Variants in NUAK2 observed in about 807,000 individuals in gnomAD.
The protein encoded by NUAK2 is NUAK family kinase 2, also known as NUAK family SNF1-like kinase 2.
A neutral mutation model predicts 29.8 loss-of-function variants in NUAK2; 20 were observed. The ratio of observed to expected loss-of-function variants is 0.67; its 90% CI spans 0.47 to 0.98. NUAK2 has a LOEUF of 0.98. Ranked by LOEUF, NUAK2 falls within the 50% of genes least tolerant of loss-of-function variation. The pLI, the probability that NUAK2 is intolerant of heterozygous loss-of-function variation, is 0.00. For missense variants in NUAK2, 719 were observed against 834.5 expected, an observed-to-expected ratio of 0.86 and a Z score of 1.71; for synonymous variants, 331 against 342.6, an observed-to-expected ratio of 0.97 and a Z score of 0.37.
chr1:205,321,644 A>G lies in NUAK2; in HGVS notation c.-16T>C. Reference sequence around the variant, plus strand: ...GCGACTCCATGGCGAGCAGGAGGTGAGCAAGGGCGGCAGGGGAATCAGTAG... The same window carrying G: ...GCGACTCCATGGCGAGCAGGAGGTGGGCAAGGGCGGCAGGGGAATCAGTAG... On this transcript the variant is annotated 5_prime_UTR_variant, in exon 1 of 7. Transcript: ENST00000367157. 6.2e-7 allele frequency: 1 copy of G among 1,601,318 alleles called. No individual in the cohort carries two copies. Among genetic ancestry groups the G allele is most frequent in the Non-Finnish European group, 8.5e-7 (1 of 1,176,700 alleles).
chr1:205,306,194 G>C lies in NUAK2; in HGVS notation c.684C>G (p.Gly228=). Residue 228 remains glycine, a synonymous_variant, in exon 5 of 7, where the codon GGC becomes GGG. Coordinates refer to ENST00000367157, the MANE Select transcript of NUAK2 (RefSeq NM_030952.3). ...PEIVNGKPYT[G]PEVDSWSLGV... is the part of the protein sequence containing the mutation. ...GGGGAGGGTGGCCACTTACCTCTGG[G>C]CCTGTGTAGGGCTTCCCATTGACAA... 6.2e-7 allele frequency: 1 copy of C among 1,610,292 alleles called. No individual in the cohort carries two copies. The highest frequency in any genetic ancestry group is 1.1e-5 in the South Asian group (1 of 90,608).
intron 1 of NUAK2, among the ~76,000 whole-genome samples, chr1:205,317,790 A>G (rs892328815): frequency 6.6e-6 from 1 of 152,194 alleles, no homozygotes; most frequent in Non-Finnish European, 1.5e-5. Context: ...CCTTCTCTGG[A>G]GCTGGGGCCG....
intron 6 of NUAK2, 96 bp downstream of exon 6, chr1:205,305,103 G>T: frequency 6.7e-7 from 1 of 1,485,812 alleles, no homozygotes; most frequent in Non-Finnish European, 9.1e-7. Flanking sequence ...ATGGACTGTT[G>T]CCCGTTTGAC....
chr1:205,307,598 C>G (rs1662200081), intron 4 of NUAK2, among the ~76,000 whole-genome samples: 1 of 152,150 alleles, frequency 6.6e-6, no homozygotes, highest in Non-Finnish European at 1.5e-5. Flanking sequence ...TTCCTCCAGC[C>G]CTGAGATCTC....
At chr1:205,311,878 G>T in intron 1 of NUAK2, 53 bp from the exon 2 acceptor site, 1 of 1,607,734 alleles carries the variant, frequency 6.2e-7, no homozygotes, top group Non-Finnish European at 8.5e-7. Flanking sequence ...AGGACACTCT[G>T]GGGGCCCTGG....
In NUAK2 at chr1:205,304,184, G is replaced by A. The variant is rs1306764369; in HGVS notation, c.1153C>T (p.Gln385Ter). ...TCAGCCGTGTCACTGTGGAGAGACT[G>A]GGCCATGTCATTCTCCTTGCGGGAC... ...KKSRKENDMAQSLHSDTADDT... is the reference protein window; with the variant it reads ...KKSRKENDMA Residue 385 changes from glutamine to a stop codon, truncating the protein, a stop_gained, in exon 7 of 7, where the codon CAG becomes TAG. Coordinates refer to ENST00000367157, the MANE Select transcript of NUAK2 (RefSeq NM_030952.3). LOFTEE classifies it low-confidence loss of function (END_TRUNC). This position sits in a 1 kb window ranked among gnomAD's most constrained non-coding sequence, Gnocchi z 6.5. The A allele has an allele frequency of 3.7e-6, 6 of 1,614,202 alleles. No individual in the cohort carries two copies. The East Asian group carries it at 1.1e-4, about 30-fold the overall frequency.
Position 205,308,272 on chromosome 1 carries a change from A to C in NUAK2, c.505-42T>G, listed in dbSNP as rs373812786. 234 of 1,465,328 alleles carry C rather than the reference A, an allele frequency of 1.6e-4. No homozygotes were observed. Among genetic ancestry groups the C allele is most frequent in the Non-Finnish European group, 2.1e-4 (224 of 1,070,230 alleles). 90.8% of individuals were successfully genotyped at this position (1,465,328 alleles called of 1,614,324 possible). A position where few individuals can be genotyped will look rare whatever the true frequency, so the allele number is the denominator to read the frequency against. The stretch of plus-strand genomic sequence containing the variant: ...GCAGTCACGGGAAGGTCACCAGGGA[A>C]GGGAAGATGATGAGGGGCCCAGTCT... On this transcript the variant is annotated intron_variant, in intron 3 of 6. Coordinates refer to ENST00000367157, the MANE Select transcript of NUAK2 (RefSeq NM_030952.3). This position sits in a 1 kb window ranked among gnomAD's most constrained non-coding sequence, Gnocchi z 4.1.
At chr1:205,307,207 G>A (rs1662194325) in intron 4 of NUAK2, among the ~76,000 whole-genome samples, 1 of 152,182 alleles carries the variant, frequency 6.6e-6, no homozygotes, top group Non-Finnish European at 1.5e-5. Flanking sequence ...TATTCAGGGT[G>A]GGGAGGGGCT....
At chr1:205,311,684 A>G in intron 2 of NUAK2, 21 bp downstream of exon 2, 1 of 1,613,756 alleles carries the variant, frequency 6.2e-7, no homozygotes. Context: ...CCCAAGTTCC[A>G]GCTTTAAGTG....
intron 1 of NUAK2, among the ~76,000 whole-genome samples, chr1:205,320,902 C>CCT (rs35541626): frequency 0.3 from 46,171 of 151,930 alleles, 7,529 homozygotes; most frequent in African/African-American, 0.4. Flanking sequence ...AAACCCACCC[C>CCT]GTGCCAGAGC....
At position 205,304,035 on chromosome 1, in the gene NUAK2, C is replaced by T. The variant is rs1484057610; in HGVS notation, c.1302G>A (p.Ala434=). The part of the protein sequence containing the change: ...EDPPELSPIP[A]SPGQAAPLLP... Reference sequence around the variant, plus strand: ...GCAGGGGGGCAGCCTGCCCTGGGCTCGCAGGGATTGGGCTGAGCTCCGGAG... The same window carrying T: ...GCAGGGGGGCAGCCTGCCCTGGGCTTGCAGGGATTGGGCTGAGCTCCGGAG... The change falls in exon 7 of 7, where the codon GCG becomes GCA. Residue 434 remains alanine, a synonymous_variant. Transcript: ENST00000367157. The surrounding 1 kb of genome is among the most constrained non-coding windows in gnomAD (Gnocchi z 6.5). 5.6e-6 allele frequency: 9 copies of T among 1,613,866 alleles called. No homozygotes were observed. Among genetic ancestry groups the T allele is most frequent in the East Asian group, 2.2e-5 (1 of 44,868 alleles).
chr1:205,319,463 G>C (rs991624686), intron 1 of NUAK2, among the ~76,000 whole-genome samples: 2 of 151,476 alleles, frequency 1.3e-5, no homozygotes, highest in Admixed American at 1.3e-4. Flanking sequence ...CAGTGACCTG[G>C]GTCAAGAGCC....
chr1:205,306,169 G>A lies in NUAK2; in HGVS notation c.690+19C>T. 1 of 1,589,060 alleles carries A rather than the reference G, an allele frequency of 6.3e-7. No homozygotes were observed. The highest frequency in any genetic ancestry group is 8.5e-7 in the Non-Finnish European group (1 of 1,170,244). On this transcript the variant is annotated intron_variant, in intron 5 of 6. Coordinates refer to ENST00000367157, the MANE Select transcript of NUAK2 (RefSeq NM_030952.3). ...AGTAAACATCTGAGGCAGGCTGGCA[G>A]GGGAGGGTGGCCACTTACCTCTGGG... is the stretch of plus-strand genomic sequence containing the variant.
At chr1:205,305,634 T>G (rs1662169906) in intron 5 of NUAK2, 5 of 402,628 alleles carry the variant, frequency 1.2e-5, no homozygotes, top group African/African-American at 2.2e-5. Context: ...GTAACAGGAA[T>G]GAGGAATGTG....
At chr1:205,318,471 T>G (rs1305917507) in intron 1 of NUAK2, among the ~76,000 whole-genome samples, 1 of 152,252 alleles carries the variant, frequency 6.6e-6, no homozygotes, top group Non-Finnish European at 1.5e-5. Flanking sequence ...TCTTCGGGCC[T>G]CAGCTACTCT....
intron 1 of NUAK2, among the ~76,000 whole-genome samples, chr1:205,317,177 C>G (rs552480184): frequency 1.3e-5 from 2 of 152,322 alleles, no homozygotes; most frequent in East Asian, 3.9e-4. Flanking sequence ...TAAACACTGC[C>G]TCCCTCCCAG....
In NUAK2 at chr1:205,321,744, G is replaced by C. The variant is rs1018223019; in HGVS notation, c.-116C>G. ...GGGAGCCACAGCAGTACCAGAGCGC[G>C]CAGTAAAGCACAGCATTCCAAGTTG... On this transcript the variant is annotated 5_prime_UTR_variant, in exon 1 of 7. Transcript: ENST00000367157. The C allele has an allele frequency of 1.2e-6, 1 of 805,406 alleles. No homozygotes were observed. Among genetic ancestry groups the C allele is most frequent in the African/African-American group, 1.7e-5 (1 of 58,264 alleles). The allele number at this position is 805,406 out of a possible 1,614,324, so 49.9% of individuals were successfully genotyped here.
intron 1 of NUAK2, among the ~76,000 whole-genome samples, chr1:205,315,703 T>C (rs1662317299): frequency 1.3e-5 from 2 of 151,970 alleles, no homozygotes; most frequent in East Asian, 3.9e-4. Context: ...TGAAACCCCA[T>C]CTCTACTAAA....
In NUAK2 at chr1:205,321,706, C is replaced by A. The variant is rs1420166192; in HGVS notation, c.-78G>T. 2 of 1,200,536 alleles carry A rather than the reference C, an allele frequency of 1.7e-6. No individual in the cohort carries two copies. The highest frequency in any genetic ancestry group is 2.4e-6 in the Non-Finnish European group (2 of 849,424). The allele number at this position is 1,200,536 out of a possible 1,614,324, so 74.4% of individuals were successfully genotyped here. A position where few individuals can be genotyped will look rare whatever the true frequency, so the allele number is the denominator to read the frequency against. ...AGGGCTGAAGCGCGGGGCACAGGTC[C>A]CGCACCAGGACGGGGAGCCACAGCA... is the stretch of plus-strand genomic sequence containing the variant. On this transcript the variant is annotated 5_prime_UTR_variant, in exon 1 of 7. Coordinates refer to ENST00000367157, the MANE Select transcript of NUAK2 (RefSeq NM_030952.3).
Sources: allele counts gnomAD v4.1 joint callset (sites outside exome capture counted in the v4.1 genomes callset), GRCh38; gene constraint gnomAD v4.1.1; non-coding constraint Gnocchi (gnomAD v3.1); transcripts MANE v1.5; gene names NCBI Gene and HGNC (gene_info 2026-07-23, HGNC 2026-07-21).